Variants in CCDC141 observed in about 807,000 individuals in gnomAD.
The protein encoded by CCDC141 is coiled-coil domain containing 141.
Under a neutral mutation model 181.0 loss-of-function variants are expected in CCDC141, and 168 were observed. That is an observed-to-expected ratio of 0.93 (90% CI 0.82 to 1.05). The LOEUF (loss-of-function observed/expected upper bound fraction) is 1.05. CCDC141 is among the 50% of genes least tolerant of loss of function. The pLI is 0.00. For missense variants in CCDC141, 1,902 were observed against 1,788.5 expected, an observed-to-expected ratio of 1.06 and a Z score of -1.14; for synonymous variants, 666 against 642.3, an observed-to-expected ratio of 1.04 and a Z score of -0.56.
chr2:178,850,222 C>T, intron 20 of CCDC141, 61 bp from the exon 21 acceptor site: 1 of 852,424 alleles, frequency 1.2e-6, no homozygotes, highest in South Asian at 1.4e-5. Flanking sequence ...AAGAAAAGTC[C>T]AGGTATAAAT....
At chr2:178,937,953 T>C (rs1689357547) in intron 6 of CCDC141, among the ~76,000 whole-genome samples, 2 of 152,114 alleles carry the variant, frequency 1.3e-5, no homozygotes, top group Admixed American at 6.6e-5. Flanking sequence ...TTCTCTCTTT[T>C]CTCCTTTATT....
At chr2:178,834,461 T>G in intron 23 of CCDC141, 21 bp from the exon 24 acceptor site, 1 of 1,533,766 alleles carries the variant, frequency 6.5e-7, no homozygotes, top group South Asian at 1.2e-5. Flanking sequence ...GAGGCAGTTT[T>G]TAAAGTCAGG....
intron 4 of CCDC141, among the ~76,000 whole-genome samples, chr2:178,963,779 GT>G (rs1690505049): frequency 6.6e-6 from 1 of 151,986 alleles, no homozygotes; most frequent in African/African-American, 2.4e-5. Flanking sequence ...GATCAGTCCT[GT>G]AAAATATTAG....
At chr2:178,840,415 A>C (rs1394743667) in intron 22 of CCDC141, among the ~76,000 whole-genome samples, 2 of 152,232 alleles carry the variant, frequency 1.3e-5, no homozygotes, top group Non-Finnish European at 2.9e-5. Flanking sequence ...AACTTACAAC[A>C]AGCTTAGGAG....
intron 20 of CCDC141, 144 bp from the exon 21 acceptor site, chr2:178,850,305 A>G (rs538848364): frequency 5.0e-5 from 29 of 584,818 alleles, no homozygotes; most frequent in Non-Finnish European, 8.1e-5. Flanking sequence ...AGATAAATAA[A>G]TGAATAAAGA....
intron 2 of CCDC141, among the ~76,000 whole-genome samples, chr2:179,000,860 T>C (rs1443887327): frequency 6.6e-6 from 1 of 152,236 alleles, no homozygotes; most frequent in Admixed American, 6.5e-5. Context: ...TTTGTACCAA[T>C]TGACTAGCAA....
intron 2 of CCDC141, among the ~76,000 whole-genome samples, chr2:178,992,207 A>T (rs1393186172): frequency 6.6e-6 from 1 of 151,930 alleles, no homozygotes; most frequent in East Asian, 1.9e-4. Context: ...GTATTTACCT[A>T]GGGTTTTCCA....
rs549455994 is a variant in CCDC141, at chr2:178,959,586, C to T, written c.780+1644G>A. Reference sequence around the variant, plus strand: ...TTCAGGAAAAGACCTTTGCATTGGACGATAATGCTTTGGGGAATGAGCATG... The same window carrying T: ...TTCAGGAAAAGACCTTTGCATTGGATGATAATGCTTTGGGGAATGAGCATG... On this transcript the variant is annotated intron_variant, in intron 5 of 23. Transcript: ENST00000443758. Among the ~76,000 whole-genome samples, 8 of 152,174 alleles carry T rather than the reference C, an allele frequency of 5.3e-5. No homozygotes were observed. In the South Asian group the frequency reaches 6.2e-4, roughly 12 times the overall value.
chr2:178,990,268 A>T lies in CCDC141; in HGVS notation c.226-11593T>A, dbSNP rs897035959. Reference sequence around the variant, plus strand: ...GTACAGCTGCTTTAAAAAAAAAAACATGTTGGCATTTCCTCAAAAAGTCAA... The same window carrying T: ...GTACAGCTGCTTTAAAAAAAAAAACTTGTTGGCATTTCCTCAAAAAGTCAA... On this transcript the variant is annotated intron_variant, in intron 2 of 23. Coordinates refer to ENST00000443758, the MANE Select transcript of CCDC141 (RefSeq NM_173648.4). 1.7e-4 allele frequency among the ~76,000 whole-genome samples: 26 copies of T among 150,550 alleles called. 1 individual carries two copies. The highest frequency in any genetic ancestry group is 7.4e-5 in the Non-Finnish European group (5 of 67,410).
chr2:178,998,184 G>C (rs1286376518), intron 2 of CCDC141, among the ~76,000 whole-genome samples: 1 of 152,110 alleles, frequency 6.6e-6, no homozygotes, highest in Non-Finnish European at 1.5e-5. Flanking sequence ...AATCAACAGG[G>C]AGCTGTAGAA....
intron 8 of CCDC141, among the ~76,000 whole-genome samples, chr2:178,902,187 A>G (rs1687729007): frequency 6.6e-6 from 1 of 152,226 alleles, no homozygotes; most frequent in Admixed American, 6.5e-5. Context: ...TGCCCAAGGT[A>G]ATTTATAGAT....
rs945171469 is a variant in CCDC141 at position 178,829,904 on chromosome 2, C to A, written c.*4269G>T. The A allele has an allele frequency of 6.6e-6, 1 of 152,124 alleles. No individual in the cohort carries two copies. Among genetic ancestry groups the A allele is most frequent in the Non-Finnish European group, 1.5e-5 (1 of 68,014 alleles). 9.4% of individuals were successfully genotyped at this position (152,124 alleles called of 1,614,324 possible). Reference sequence around the variant, plus strand: ...GAATAAAGACAAACATAAAGCAGAACAAAATAAGATATTCTTTCCTTTCTT... The same window carrying A: ...GAATAAAGACAAACATAAAGCAGAAAAAAATAAGATATTCTTTCCTTTCTT... On this transcript the variant is annotated 3_prime_UTR_variant, in exon 24 of 24. Coordinates refer to ENST00000443758, the MANE Select transcript of CCDC141 (RefSeq NM_173648.4).
At chr2:178,846,982 A>AT (rs1684966368) in intron 21 of CCDC141, among the ~76,000 whole-genome samples, 2 of 152,330 alleles carry the variant, frequency 1.3e-5, no homozygotes, top group South Asian at 4.1e-4. Flanking sequence ...ATTTAATAAC[A>AT]TAAAAAATAG....
In CCDC141 at chr2:178,961,358, G is replaced by C; in HGVS notation, c.652C>G (p.Leu218Val). 1.9e-6 allele frequency: 3 copies of C among 1,550,638 alleles called. No individual in the cohort carries two copies. Among genetic ancestry groups the C allele is most frequent in the Non-Finnish European group, 2.6e-6 (3 of 1,146,980 alleles). ...ELTQGAHSSC[L>V]KVDRLLELLQ... The stretch of plus-strand genomic sequence containing the variant: ...AGTTCAAGAAGGCGGTCAACCTTCA[G>C]ACAGCTGCTATGAGCTCCCTGAGTC... The change falls in exon 5 of 24, where the codon CTG becomes GTG. Residue 218 changes from leucine to valine, a missense_variant. Transcript: ENST00000443758.
At chr2:178,995,361 A>T (rs1452040521) in intron 2 of CCDC141, among the ~76,000 whole-genome samples, 1 of 152,134 alleles carries the variant, frequency 6.6e-6, no homozygotes, top group African/African-American at 2.4e-5. Context: ...AAACCATCAG[A>T]TCTCATAAGA....
chr2:178,900,466 G>C (rs773490585), intron 8 of CCDC141, among the ~76,000 whole-genome samples: 7 of 152,056 alleles, frequency 4.6e-5, no homozygotes, highest in Non-Finnish European at 7.4e-5. Context: ...TCAGTTTCCT[G>C]TTTATGAAAT....
chr2:179,034,058 G>T (rs899252299), intron 2 of CCDC141, among the ~76,000 whole-genome samples: 1 of 152,066 alleles, frequency 6.6e-6, no homozygotes, highest in African/African-American at 2.4e-5. Flanking sequence ...GTTCATTGCG[G>T]CACTATTCAC....
rs372905933 is a variant in CCDC141 at position 178,937,914 on chromosome 2, C to A, written c.897+6621G>T. 1.9e-3 allele frequency among the ~76,000 whole-genome samples: 285 copies of A among 152,090 alleles called. 2 individuals carry two copies. Among genetic ancestry groups the A allele is most frequent in the African/African-American group, 6.7e-3 (277 of 41,510 alleles). ...ATGGGGTCAGTGGTAACATTCCCTTCATTATTTCTAATGATGTTTATTTGG... is the reference window on the plus strand; with the variant it reads ...ATGGGGTCAGTGGTAACATTCCCTTAATTATTTCTAATGATGTTTATTTGG... On this transcript the variant is annotated intron_variant, in intron 6 of 23. Coordinates refer to ENST00000443758, the MANE Select transcript of CCDC141 (RefSeq NM_173648.4).
intron 5 of CCDC141, 80 bp from the exon 6 acceptor site, chr2:178,944,731 C>T (rs1689660460): frequency 1.0e-5 from 5 of 497,912 alleles, no homozygotes; most frequent in African/African-American, 9.8e-5. Context: ...AGTCCCTCAA[C>T]CTTTCAAAAC....
Sources: allele counts gnomAD v4.1 joint callset (sites outside exome capture counted in the v4.1 genomes callset), GRCh38; gene constraint gnomAD v4.1.1; transcripts MANE v1.5; gene names NCBI Gene and HGNC (gene_info 2026-07-23, HGNC 2026-07-21).